The following MAP1LC3B variants were observed in gnomAD, a reference collection of about 807,000 sequenced individuals.
MAP1LC3B encodes microtubule-associated protein 1 light chain 3 beta.
In MAP1LC3B, 12 loss-of-function variants were observed where a neutral mutation model predicts 16.7. The ratio of observed to expected loss-of-function variants is 0.72; its 90% CI spans 0.46 to 1.16. The LOEUF is 1.16. Ranked by LOEUF, MAP1LC3B falls within the 50% of genes most tolerant of loss-of-function variation. The pLI, the probability that MAP1LC3B is intolerant of heterozygous loss-of-function variation, is 0.00. For synonymous variants in MAP1LC3B, 63 were observed against 56.5 expected (o/e 1.11, Z -0.51); for missense variants, 155 against 159.5 (o/e 0.97, Z 0.15).
intron 2 of MAP1LC3B, 77 bp downstream of exon 2, chr16:87,398,947 G>C: frequency 4.7e-6 from 6 of 1,274,868 alleles, no homozygotes; most frequent in Non-Finnish European, 6.9e-6. Flanking sequence ...CCACTTGACG[G>C]GTTTTTACAG....
intron 1 of MAP1LC3B, among the ~76,000 whole-genome samples, chr16:87,397,556 T>TGCAGTGAGCGGAGATTGCA (rs1452993980): frequency 2.0e-5 from 3 of 152,296 alleles, no homozygotes; most frequent in African/African-American, 7.2e-5. Flanking sequence ...AGGCGGAGCT[T>TGCAGTGAGCGGAGATTGCA]GCAGTGAGCG....
chr16:87,403,010 G>A lies in MAP1LC3B; in HGVS notation c.291G>A (p.Glu97=), dbSNP rs781177291. ...SMVSVSTPIS[E]VYESEKDEDG... ...TCAGCGTCTCCACACCAATCTCAGA[G>A]GTGTATGAGAGTGAGAAAGATGAAG... The change falls in exon 4 of 4, where the codon GAG becomes GAA. Residue 97 remains glutamate (E), a synonymous_variant. Coordinates refer to ENST00000268607, the MANE Select transcript of MAP1LC3B (RefSeq NM_022818.5). 3.7e-6 allele frequency: 6 copies of A among 1,613,984 alleles called. No individual in the cohort carries two copies. In the East Asian group the frequency reaches 1.3e-4, roughly 36 times the overall value.
At chr16:87,397,693 G>A (rs576949568) in intron 1 of MAP1LC3B, among the ~76,000 whole-genome samples, 2 of 152,214 alleles carry the variant, frequency 1.3e-5, no homozygotes, top group African/African-American at 4.8e-5. Context: ...TCATATTTAT[G>A]TAGGTCACAC....
intron 2 of MAP1LC3B, 65 bp from the exon 3 acceptor site, chr16:87,402,110 C>T: frequency 1.9e-6 from 3 of 1,546,318 alleles, no homozygotes; most frequent in Non-Finnish European, 1.8e-6. Flanking sequence ...GCTGGGGTTA[C>T]AGGTGTGAGC....
In MAP1LC3B at chr16:87,404,131, C is replaced by G. The variant is rs1263274391; in HGVS notation, c.*1034C>G. 1 of 152,128 alleles carries G rather than the reference C, an allele frequency of 6.6e-6. No individual in the cohort carries two copies. The highest frequency in any genetic ancestry group is 6.6e-5 in the Admixed American group (1 of 15,260). 9.4% of individuals were successfully genotyped at this position (152,128 alleles called of 1,614,324 possible). A position where few individuals can be genotyped will look rare whatever the true frequency, so the allele number is the denominator to read the frequency against. ...GGTCAGACAGCCATCAGAATTCTCCCACACCAAGTGCATGTCAGTTGTGGA... is the reference window on the plus strand; with the variant it reads ...GGTCAGACAGCCATCAGAATTCTCCGACACCAAGTGCATGTCAGTTGTGGA... On this transcript the variant is annotated 3_prime_UTR_variant, in exon 4 of 4. Coordinates refer to ENST00000268607, the MANE Select transcript of MAP1LC3B (RefSeq NM_022818.5).
At chr16:87,396,383 G>A (rs749548151) in intron 1 of MAP1LC3B, among the ~76,000 whole-genome samples, 18 of 151,660 alleles carry the variant, frequency 1.2e-4, no homozygotes, top group Non-Finnish European at 2.5e-4. Context: ...GCTGAGGGAG[G>A]AGAATGGCAT....
At chr16:87,395,828 T>C (rs1328724998) in intron 1 of MAP1LC3B, among the ~76,000 whole-genome samples, 1 of 150,730 alleles carries the variant, frequency 6.6e-6, no homozygotes, top group East Asian at 2.0e-4. Context: ...TGAAACTTCA[T>C]AGAGCCTGTT....
chr16:87,396,307 TTACTA>T (rs1907800815), intron 1 of MAP1LC3B, among the ~76,000 whole-genome samples: 1 of 150,818 alleles, frequency 6.6e-6, no homozygotes, highest in Non-Finnish European at 1.5e-5. Context: ...AACCCCGTCT[TTACTA>T]AAAATACAAA....
chr16:87,393,931 C>G (rs1014537149), intron 1 of MAP1LC3B, among the ~76,000 whole-genome samples: 1 of 152,158 alleles, frequency 6.6e-6, no homozygotes, highest in African/African-American at 2.4e-5. Context: ...TGCCCTTTTT[C>G]TCATAACAGA....
chr16:87,393,409 C>G (rs535595204), intron 1 of MAP1LC3B: 13 of 152,362 alleles, frequency 8.5e-5, no homozygotes, highest in African/African-American at 3.1e-4. Context: ...CCGCCATCCT[C>G]GTCAGGAGCC....
intron 1 of MAP1LC3B, chr16:87,392,856 C>G (rs1045774281): frequency 1.3e-5 from 2 of 151,944 alleles, no homozygotes; most frequent in Non-Finnish European, 2.9e-5. Context: ...GGGCGAGGGT[C>G]GCGCTTCTGG....
rs773986358 is a variant in MAP1LC3B at position 87,403,046 on chromosome 16, G to A, written c.327G>A (p.Leu109=). Residue 109 remains leucine, a synonymous_variant, in exon 4 of 4, where the codon CTG becomes CTA. Coordinates refer to ENST00000268607, the MANE Select transcript of MAP1LC3B (RefSeq NM_022818.5). ...GTGAGAAAGATGAAGATGGATTCCT[G>A]TACATGGTCTATGCCTCCCAGGAGA... The part of the protein sequence containing the change: ...YESEKDEDGF[L]YMVYASQETF... 8 of 1,613,978 alleles carry A rather than the reference G, an allele frequency of 5.0e-6. No individual in the cohort carries two copies. In the Admixed American group the frequency reaches 1.3e-4, roughly 27 times the overall value.
chr16:87,403,165 C>T lies in MAP1LC3B; in HGVS notation c.*68C>T, dbSNP rs1213036562. The T allele has an allele frequency of 2.6e-6, 4 of 1,534,754 alleles. No homozygotes were observed. The highest frequency in any genetic ancestry group is 1.3e-5 in the South Asian group (1 of 78,342). On this transcript the variant is annotated 3_prime_UTR_variant, in exon 4 of 4. Coordinates refer to ENST00000268607, the MANE Select transcript of MAP1LC3B (RefSeq NM_022818.5). ...ACCAAGGAAAAAAAAGGGATGTTAC[C>T]AACTGAGATCGATCAGTTCATCCAA... is the stretch of plus-strand genomic sequence containing the variant.
intron 2 of MAP1LC3B, chr16:87,400,021 C>G (rs1907932025): frequency 6.1e-6 from 1 of 164,692 alleles, no homozygotes; most frequent in African/African-American, 2.4e-5. Flanking sequence ...ATCCGCCCAC[C>G]TCGGCCTCCC....
intron 1 of MAP1LC3B, among the ~76,000 whole-genome samples, chr16:87,394,210 A>C (rs1252324652): frequency 6.6e-6 from 1 of 152,018 alleles, no homozygotes; most frequent in Non-Finnish European, 1.5e-5. Context: ...TCTCTTTAAT[A>C]GTCACTTTGT....
rs115342605 is a variant in MAP1LC3B, at chr16:87,404,351, A to G, written c.*1254A>G. 2.0e-5 allele frequency: 3 copies of G among 152,270 alleles called. No individual in the cohort carries two copies. Among genetic ancestry groups the G allele is most frequent in the East Asian group, 1.9e-4 (1 of 5,186 alleles). 9.4% of individuals were successfully genotyped at this position (152,270 alleles called of 1,614,324 possible). A position where few individuals can be genotyped will look rare whatever the true frequency, so the allele number is the denominator to read the frequency against. On this transcript the variant is annotated 3_prime_UTR_variant, in exon 4 of 4. Transcript: ENST00000268607. ...TAGACCCTATGTGTAGCAGGTCACA[A>G]CTTACCCTTGTGTGTTTAGATGTGT...
chr16:87,398,776 G>C lies in MAP1LC3B; in HGVS notation c.41-39G>C. ...CAGCAGTGCTGGGAAGAAGCTGCCT[G>C]GCCCTTAGTAATGCTTCTGTCTCTT... On this transcript the variant is annotated intron_variant, in intron 1 of 3. Coordinates refer to ENST00000268607, the MANE Select transcript of MAP1LC3B (RefSeq NM_022818.5). The C allele has an allele frequency of 1.9e-6, 3 of 1,597,346 alleles. No homozygotes were observed. The South Asian group carries it at 3.3e-5, about 18-fold the overall frequency.
chr16:87,402,195 G>A lies in MAP1LC3B; in HGVS notation c.117G>A (p.Lys39=), dbSNP rs911114391. The stretch of plus-strand genomic sequence containing the variant: ...TCCAGGTGATAATAGAACGATACAA[G>A]GGTGAGAAGCAGCTTCCTGTTCTGG... ...TKIPVIIERY[K]GEKQLPVLDK... is the part of the protein sequence containing the mutation. Residue 39 remains lysine, a synonymous_variant, in exon 3 of 4, where the codon AAG becomes AAA. Transcript: ENST00000268607. The A allele has an allele frequency of 1.9e-6, 3 of 1,613,956 alleles. No homozygotes were observed. In the African/African-American group the frequency reaches 4.0e-5, roughly 22 times the overall value.
chr16:87,401,845 T>TG (rs1334729257), intron 2 of MAP1LC3B, among the ~76,000 whole-genome samples: 1 of 151,238 alleles, frequency 6.6e-6, no homozygotes, highest in East Asian at 2.0e-4. Flanking sequence ...ACTTTTTTTT[T>TG]TTTTTGAGAT....
Sources: allele counts gnomAD v4.1 joint callset (sites outside exome capture counted in the v4.1 genomes callset), GRCh38; gene constraint gnomAD v4.1.1; transcripts MANE v1.5; gene names NCBI Gene and HGNC (gene_info 2026-07-23, HGNC 2026-07-21).